COPS7B: variants seen among roughly 807,000 people sequenced by gnomAD.
COPS7B encodes the protein COP9 signalosome complex subunit 7b.
A neutral mutation model predicts 33.4 loss-of-function variants in COPS7B; 9 were observed. The observed-to-expected ratio is 0.27, with a 90% CI of 0.16 to 0.47. COPS7B has a LOEUF of 0.47. COPS7B is among the 20% of genes least tolerant of loss of function. The probability of loss-of-function intolerance (pLI) is 0.99; values close to 1 mark genes in which losing one functional copy is unlikely to be tolerated. For synonymous variants in COPS7B, 119 were observed against 126.3 expected, an observed-to-expected ratio of 0.94 and a Z score of 0.39; for missense variants, 242 against 318.2, an observed-to-expected ratio of 0.76 and a Z score of 1.82.
intron 2 of COPS7B, chr2:231,788,993 AATT>A (rs2049332125): frequency 2.8e-6 from 1 of 357,804 alleles, no homozygotes; most frequent in South Asian, 3.8e-5. Flanking sequence ...GATCCTGATA[AATT>A]AGAAAAGTAG....
rs770876461 is a variant in COPS7B, at chr2:231,794,266, A to G, written c.242A>G (p.Asn81Ser). The G allele has an allele frequency of 1.2e-6, 2 of 1,613,838 alleles. No homozygotes were observed. Among genetic ancestry groups the G allele is most frequent in the Admixed American group, 1.7e-5 (1 of 60,008 alleles). Residue 81 changes from asparagine (N) to serine (S), a missense_variant, in exon 4 of 7, where the codon AAC becomes AGC. Asn to Ser is a conservative substitution (Grantham distance 46, BLOSUM62 1). Coordinates refer to ENST00000350033, the MANE Select transcript of COPS7B (RefSeq NM_022730.4). ...AYGTYPDYIA[N>S]KESLPELSTA... ...TGTGGTGGGTGGGACTGAGCAGCCA[A>G]CAAGGAGAGCCTGCCAGAACTGAGC...
rs1178911563 is a variant in COPS7B, at chr2:231,808,502, A to G, written c.*857A>G. The G allele has an allele frequency of 4.2e-6, 2 of 471,154 alleles. No homozygotes were observed. The highest frequency in any genetic ancestry group is 4.4e-6 in the Non-Finnish European group (1 of 227,090). The allele number at this position is 471,154 out of a possible 1,614,324, so 29.2% of individuals were successfully genotyped here. On this transcript the variant is annotated 3_prime_UTR_variant, in exon 7 of 7. Coordinates refer to ENST00000350033, the MANE Select transcript of COPS7B (RefSeq NM_022730.4). ...TCCTCCTGGCTGCACCTGGGTAGGG[A>G]TGGTGGCATCGATGCCCCTCTGTCT...
chr2:231,804,533 C>A (rs933507309), intron 6 of COPS7B, among the ~76,000 whole-genome samples: 5 of 152,200 alleles, frequency 3.3e-5, no homozygotes, highest in Middle Eastern at 3.2e-3. Flanking sequence ...AGGCGTGAGC[C>A]ACTGTGCCTG....
chr2:231,800,558 A>G lies in COPS7B; in HGVS notation c.636+1594A>G, dbSNP rs554557283. Among the ~76,000 whole-genome samples, 101 of 152,358 alleles carry G rather than the reference A, an allele frequency of 6.6e-4. No homozygotes were observed. In the Middle Eastern group the frequency reaches 0.017, roughly 26 times the overall value. On this transcript the variant is annotated intron_variant, in intron 6 of 6. Transcript: ENST00000350033. Reference sequence around the variant, plus strand: ...TGAACTGTTCAAGTTTATTTTCATTATAAATAGCATCAGACAAAAGAAAGG... The same window carrying G: ...TGAACTGTTCAAGTTTATTTTCATTGTAAATAGCATCAGACAAAAGAAAGG...
In COPS7B at chr2:231,807,913, GGTTCTTGTCTCTGT is replaced by G; in HGVS notation, c.*271_*284del. Reference sequence around the variant, plus strand: ...GACACTGCCCAGCTTCCCTCCAGGAGGTTCTTGTCTCTGTGTAAGGGCTTGTCTCCCTCCCAGTT... The same window carrying G: ...GACACTGCCCAGCTTCCCTCCAGGAGGTAAGGGCTTGTCTCCCTCCCAGTT... On this transcript the variant is annotated 3_prime_UTR_variant, in exon 7 of 7. Coordinates refer to ENST00000350033, the MANE Select transcript of COPS7B (RefSeq NM_022730.4). The G allele has an allele frequency of 2.8e-6, 1 of 361,494 alleles. No individual in the cohort carries two copies. 22.4% of individuals were successfully genotyped at this position (361,494 alleles called of 1,614,324 possible). A position where few individuals can be genotyped will look rare whatever the true frequency, so the allele number is the denominator to read the frequency against.
upstream of COPS7B, chr2:231,781,725 C>A: frequency 1.1e-6 from 1 of 938,122 alleles, no homozygotes; most frequent in Non-Finnish European, 1.7e-6. Context: ...GTGTGCCGCG[C>A]AGTGTGCGCA....
At position 231,800,469 on chromosome 2, in the gene COPS7B, C is replaced by G. The variant is rs942086791; in HGVS notation, c.636+1505C>G. ...TACAAAATGAGGTTGGGAGGCTAACCACACTACCTAATCTTTGGTATCAAG... is the reference window on the plus strand; with the variant it reads ...TACAAAATGAGGTTGGGAGGCTAACGACACTACCTAATCTTTGGTATCAAG... On this transcript the variant is annotated intron_variant, in intron 6 of 6. Coordinates refer to ENST00000350033, the MANE Select transcript of COPS7B (RefSeq NM_022730.4). Among the ~76,000 whole-genome samples the G allele has an allele frequency of 2.6e-5, 4 of 152,152 alleles. No individual in the cohort carries two copies. The South Asian group carries it at 8.3e-4, about 32-fold the overall frequency.
chr2:231,798,206 G>A (rs1185828474), intron 5 of COPS7B, among the ~76,000 whole-genome samples: 1 of 148,168 alleles, frequency 6.7e-6, no homozygotes, highest in African/African-American at 2.5e-5. Flanking sequence ...TTTTTTTTCT[G>A]TTGAGAAAAG....
intron 1 of COPS7B, among the ~76,000 whole-genome samples, chr2:231,787,883 C>T (rs1354383536): frequency 1.3e-5 from 2 of 152,140 alleles, no homozygotes; most frequent in East Asian, 1.9e-4. Flanking sequence ...TAGGCAGTAT[C>T]CTCCATTTCT....
chr2:231,800,849 A>G lies in COPS7B; in HGVS notation c.636+1885A>G, dbSNP rs145111958. On this transcript the variant is annotated intron_variant, in intron 6 of 6. Coordinates refer to ENST00000350033, the MANE Select transcript of COPS7B (RefSeq NM_022730.4). The stretch of plus-strand genomic sequence containing the variant: ...CTTTTAGAAAATCTGAACCAGACCA[A>G]TATGGTCTGTTCCCTGAGCATGGCC... Among the ~76,000 whole-genome samples the G allele has an allele frequency of 2.4e-3, 373 of 152,308 alleles. 1 individual carries two copies. Among genetic ancestry groups the G allele is most frequent in the African/African-American group, 8.0e-3 (331 of 41,572 alleles).
At position 231,807,552 on chromosome 2, in the gene COPS7B, G is replaced by A. The variant is rs1230125393; in HGVS notation, c.702G>A (p.Gln234=). 1.2e-6 allele frequency: 2 copies of A among 1,612,934 alleles called. No homozygotes were observed. Among genetic ancestry groups the A allele is most frequent in the Non-Finnish European group, 1.7e-6 (2 of 1,179,648 alleles). Residue 234 remains glutamine (Q), a synonymous_variant, in exon 7 of 7, where the codon CAG becomes CAA. Coordinates refer to ENST00000350033, the MANE Select transcript of COPS7B (RefSeq NM_022730.4). ...CCTCGGCTCAGGAGATGGAGCAGCA[G>A]CTGGCTGAACGGGAGTGTCCCCCTC... ...ASSSAQEMEQ[Q]LAERECPPHA...
intron 1 of COPS7B, among the ~76,000 whole-genome samples, chr2:231,788,180 A>T (rs1574652770): frequency 7.7e-6 from 1 of 129,544 alleles, no homozygotes; most frequent in Middle Eastern, 5.7e-3. Flanking sequence ...TCTGTTGCCC[A>T]GGCTGGAGTG....
At chr2:231,794,940 GAC>G (rs1333255325) in intron 4 of COPS7B, among the ~76,000 whole-genome samples, 2 of 144,542 alleles carry the variant, frequency 1.4e-5, no homozygotes, top group African/African-American at 5.2e-5. Context: ...TTTTTTTTGA[GAC>G]AGAGTGTTGC....
chr2:231,799,392 G>A (rs1006630828), intron 6 of COPS7B, among the ~76,000 whole-genome samples: 10 of 152,164 alleles, frequency 6.6e-5, no homozygotes, highest in South Asian at 2.1e-4. Flanking sequence ...CTTAAGTTGC[G>A]TGGTGGGCAC....
At chr2:231,786,364 G>C, upstream of COPS7B, 1 of 864,804 alleles carries the variant, frequency 1.2e-6, no homozygotes, top group Non-Finnish European at 1.4e-6. Context: ...GGAACCTTGT[G>C]TGGGCGGAAC....
At chr2:231,801,187 T>A (rs2049734717) in intron 6 of COPS7B, 1 of 1,550,572 alleles carries the variant, frequency 6.4e-7, no homozygotes, top group Non-Finnish European at 8.7e-7. Flanking sequence ...TCCTGAATCT[T>A]ATAACAACAG....
intron 6 of COPS7B, among the ~76,000 whole-genome samples, chr2:231,805,864 G>T (rs918751386): frequency 1.3e-5 from 2 of 151,164 alleles, no homozygotes; most frequent in African/African-American, 4.9e-5. Flanking sequence ...GCCCAGGCTG[G>T]TCTTGAACAC....
chr2:231,783,169 A>G (rs1041048494), upstream of COPS7B, among the ~76,000 whole-genome samples: 7 of 152,176 alleles, frequency 4.6e-5, no homozygotes, highest in African/African-American at 1.7e-4. Context: ...TTTATACCAC[A>G]ATTTATCTTT....
At position 231,796,309 on chromosome 2, in the gene COPS7B, G is replaced by A; in HGVS notation, c.530+1G>A. On this transcript the variant is annotated splice_donor_variant, in intron 5 of 6. Coordinates refer to ENST00000350033, the MANE Select transcript of COPS7B (RefSeq NM_022730.4). LOFTEE classifies it high-confidence loss of function. Reference sequence around the variant, plus strand: ...ATATTGTCAAGACCCTGCATGAATGGTGAGGCTAAAAGGAGGAGGGGGATA... The same window carrying A: ...ATATTGTCAAGACCCTGCATGAATGATGAGGCTAAAAGGAGGAGGGGGATA... The A allele has an allele frequency of 6.2e-7, 1 of 1,613,538 alleles. No homozygotes were observed. The highest frequency in any genetic ancestry group is 8.5e-7 in the Non-Finnish European group (1 of 1,179,704).
Sources: gnomAD v4.1 joint callset for allele counts (sites outside exome capture counted in the v4.1 genomes callset) on GRCh38, gnomAD v4.1.1 for gene constraint, MANE v1.5 for transcripts, NCBI Gene and HGNC (gene_info 2026-07-23, HGNC 2026-07-21) for gene names.